CAMTA1: variants seen among roughly 807,000 people sequenced by gnomAD.
CAMTA1 encodes calmodulin binding transcription activator 1.
In CAMTA1, 27 loss-of-function variants were observed where a neutral mutation model predicts 170.9. The observed-to-expected ratio is 0.16, with a 90% confidence interval of 0.12 to 0.22. The LOEUF is 0.22. Ranked by LOEUF, CAMTA1 falls within the 10% of genes least tolerant of loss-of-function variation. The pLI, the probability that CAMTA1 is intolerant of heterozygous loss-of-function variation, is 1.00. For synonymous variants in CAMTA1, 833 were observed against 891.5 expected (o/e 0.93, Z 1.17); for missense variants, 1,619 against 2,217.2 (o/e 0.73, Z 5.42).
chr1:6,855,266 C>T (rs1173348664), intron 3 of CAMTA1, among the ~76,000 whole-genome samples: 1 of 151,854 alleles, frequency 6.6e-6, no homozygotes, highest in South Asian at 2.1e-4. Flanking sequence ...TTAGTTTGTC[C>T]TCATAGGGCT....
At position 7,099,894 on chromosome 1, in the gene CAMTA1, C is replaced by T. The variant is rs138437531; in HGVS notation, c.302+8523C>T. On this transcript the variant is annotated intron_variant, in intron 4 of 22. Transcript: ENST00000303635. ...ATAGCCTGTGTTTCTTGCCTCTCTT[C>T]TGCTGTTTCCGAGTTCGGAGTCTTT... Among the ~76,000 whole-genome samples the T allele has an allele frequency of 3.7e-4, 56 of 152,344 alleles. No homozygotes were observed. The East Asian group carries it at 9.8e-3, about 27-fold the overall frequency.
At chr1:7,533,863 G>A (rs780784168) in intron 6 of CAMTA1, among the ~76,000 whole-genome samples, 1 of 151,986 alleles carries the variant, frequency 6.6e-6, no homozygotes, top group Non-Finnish European at 1.5e-5. Context: ...GCAGTAAGCC[G>A]CAGTCACACC....
intron 3 of CAMTA1, among the ~76,000 whole-genome samples, chr1:6,909,902 A>G (rs929930852): frequency 6.6e-6 from 1 of 152,230 alleles, no homozygotes; most frequent in African/African-American, 2.4e-5. Flanking sequence ...GCTGAAGCCA[A>G]GGAAGTTTTC....
chr1:6,830,609 C>G (rs552940359), intron 3 of CAMTA1, among the ~76,000 whole-genome samples: 3 of 152,258 alleles, frequency 2.0e-5, no homozygotes, highest in East Asian at 1.9e-4. Flanking sequence ...TCCCAAAGTG[C>G]TTGGATTACA....
At chr1:7,263,109 A>C (rs969773961) in intron 5 of CAMTA1, among the ~76,000 whole-genome samples, 1 of 152,116 alleles carries the variant, frequency 6.6e-6, no homozygotes, top group Non-Finnish European at 1.5e-5. Flanking sequence ...CCCTTTCATA[A>C]CACCTGGCAA....
chr1:7,713,141 G>A (rs1030433984), intron 11 of CAMTA1, among the ~76,000 whole-genome samples: 1 of 152,214 alleles, frequency 6.6e-6, no homozygotes, highest in Non-Finnish European at 1.5e-5. Context: ...CACAGAGTGA[G>A]TGAGGGAGTC....
In CAMTA1 at chr1:7,276,303, A is replaced by ATATATATATTT; in HGVS notation, c.438+26678_438+26679insATATATATTTT. On this transcript the variant is annotated intron_variant, in intron 5 of 22. Coordinates refer to ENST00000303635, the MANE Select transcript of CAMTA1 (RefSeq NM_015215.4). ...CATATATATATATATATATATATAT[A>ATATATATATTT]TTTTTTTTTTTTTTTTTTCTTTTTG... Among the ~76,000 whole-genome samples, 27 of 24,218 alleles carry ATATATATATTT rather than the reference A, an allele frequency of 1.1e-3. 1 individual carries two copies. Among genetic ancestry groups the ATATATATATTT allele is most frequent in the African/African-American group, 6.0e-3 (20 of 3,352 alleles). 15.9% of individuals were successfully genotyped at this position (24,218 alleles called of 152,430 possible). A position where few individuals can be genotyped will look rare whatever the true frequency, so the allele number is the denominator to read the frequency against.
Position 7,668,791 on chromosome 1 carries a change from CA to C in CAMTA1, c.2653-2119del, listed in dbSNP as rs546229391. On this transcript the variant is annotated intron_variant, in intron 9 of 22. Coordinates refer to ENST00000303635, the MANE Select transcript of CAMTA1 (RefSeq NM_015215.4). Reference sequence around the variant, plus strand: ...AGTTCTTTGTTCCCGGCAGCAGCCCCAGCCTCATGCTAGCAGCTGTTGATTG... The same window carrying C: ...AGTTCTTTGTTCCCGGCAGCAGCCCCGCCTCATGCTAGCAGCTGTTGATTG... 5.0e-3 allele frequency among the ~76,000 whole-genome samples: 764 copies of C among 152,328 alleles called. 8 individuals are homozygous for C. The highest frequency in any genetic ancestry group is 0.017 in the African/African-American group (718 of 41,562).
At chr1:6,864,712 A>G (rs1038367821) in intron 3 of CAMTA1, among the ~76,000 whole-genome samples, 1 of 151,906 alleles carries the variant, frequency 6.6e-6, no homozygotes, top group Admixed American at 6.6e-5. Context: ...TGCCATTTAC[A>G]TGTTGTTTCT....
chr1:7,344,952 C>T (rs570694822), intron 5 of CAMTA1, among the ~76,000 whole-genome samples: 4 of 152,068 alleles, frequency 2.6e-5, no homozygotes, highest in African/African-American at 9.6e-5. Flanking sequence ...GGGGTTTCAC[C>T]GTGTTAGCCA....
intron 4 of CAMTA1, among the ~76,000 whole-genome samples, chr1:7,235,140 A>T (rs138938211): frequency 6.6e-6 from 1 of 151,980 alleles, no homozygotes; most frequent in Non-Finnish European, 1.5e-5. Flanking sequence ...GCCACCCTTC[A>T]TCCTGTTCTC....
In CAMTA1 at chr1:7,664,695, G is replaced by A. The variant is rs749392620; in HGVS notation, c.2148G>A (p.Glu716=). 1 of 1,608,386 alleles carries A rather than the reference G, an allele frequency of 6.2e-7. No homozygotes were observed. Among genetic ancestry groups the A allele is most frequent in the Non-Finnish European group, 8.5e-7 (1 of 1,176,266 alleles). Residue 716 remains glutamate, a synonymous_variant, in exon 9 of 23, where the codon GAG becomes GAA. Transcript: ENST00000303635. ...GGGAGCTGCAGGCTTGCAGCTCTGA[G>A]CACTACCTGCAGCCGGAGACCAACG... is the stretch of plus-strand genomic sequence containing the variant. ...KSGELQACSS[E]HYLQPETNGV... is the part of the protein sequence containing the mutation.
intron 9 of CAMTA1, among the ~76,000 whole-genome samples, chr1:7,667,252 C>G (rs963223253): frequency 6.6e-6 from 1 of 152,090 alleles, no homozygotes; most frequent in Admixed American, 6.5e-5. Context: ...CCACCACACC[C>G]CCCACCCCAC....
intron 3 of CAMTA1, among the ~76,000 whole-genome samples, chr1:6,992,286 C>A (rs754553082): frequency 5.4e-5 from 8 of 148,494 alleles, no homozygotes; most frequent in Non-Finnish European, 1.0e-4. Context: ...TGCCTAGGCT[C>A]GACTTGAACT....
intron 5 of CAMTA1, among the ~76,000 whole-genome samples, chr1:7,405,040 A>T (rs1275362598): frequency 6.6e-6 from 1 of 151,904 alleles, no homozygotes; most frequent in Non-Finnish European, 1.5e-5. Context: ...CTTGCTACCG[A>T]TTGTGCCTGG....
intron 4 of CAMTA1, among the ~76,000 whole-genome samples, chr1:7,158,758 G>C (rs1647037020): frequency 6.6e-6 from 1 of 152,152 alleles, no homozygotes; most frequent in African/African-American, 2.4e-5. Context: ...ATGTTTGATA[G>C]TTTTCATAGT....
At chr1:6,996,302 G>A (rs1697239500) in intron 3 of CAMTA1, among the ~76,000 whole-genome samples, 1 of 152,154 alleles carries the variant, frequency 6.6e-6, no homozygotes, top group South Asian at 2.1e-4. Flanking sequence ...CAGAGACTTG[G>A]GATTCTGTTA....
chr1:7,437,887 G>A (rs2092397917), intron 5 of CAMTA1, among the ~76,000 whole-genome samples: 1 of 152,240 alleles, frequency 6.6e-6, no homozygotes, highest in Non-Finnish European at 1.5e-5. Context: ...GACAGCCAAG[G>A]TTTTACCACC....
intron 3 of CAMTA1, among the ~76,000 whole-genome samples, chr1:6,830,097 C>T (rs548563525): frequency 8.3e-4 from 125 of 150,984 alleles, no homozygotes; most frequent in African/African-American, 2.8e-3. Context: ...AGTGCAGTGG[C>T]GCGATCTCCG....
Sources: gnomAD v4.1 joint callset for allele counts (sites outside exome capture counted in the v4.1 genomes callset) on GRCh38, gnomAD v4.1.1 for gene constraint, MANE v1.5 for transcripts, NCBI Gene and HGNC (gene_info 2026-07-23, HGNC 2026-07-21) for gene names.